HAGH: variants seen among roughly 807,000 people sequenced by gnomAD.
The protein encoded by HAGH is hydroxyacylglutathione hydrolase, mitochondrial.
Under a neutral mutation model 35.1 loss-of-function variants are expected in HAGH, and 29 were observed. The observed-to-expected ratio is 0.83, with a 90% confidence interval of 0.62 to 1.13. The LOEUF (loss-of-function observed/expected upper bound fraction) is 1.13. HAGH is among the 50% of genes most tolerant of loss of function. The probability of loss-of-function intolerance (pLI) is 0.00; values close to 1 mark genes in which losing one functional copy is unlikely to be tolerated. For synonymous variants in HAGH, 225 were observed against 176.1 expected (o/e 1.28, Z -2.20); for missense variants, 478 against 419.6 (o/e 1.14, Z -1.22).
chr16:1,812,198 CAA>C (rs763735556), intron 7 of HAGH, among the ~76,000 whole-genome samples: 8 of 110,652 alleles, frequency 7.2e-5, no homozygotes, highest in Non-Finnish European at 7.0e-5. Flanking sequence ...TCTCCCCAAC[CAA>C]AAAAAAAAAA....
rs4027423 is a variant in HAGH, at chr16:1,814,930, TAC to T, written c.747+1961_747+1962del. Among the ~76,000 whole-genome samples the T allele has an allele frequency of 2.6e-3, 359 of 140,724 alleles. 3 individuals are homozygous for T. The highest frequency in any genetic ancestry group is 7.6e-3 in the African/African-American group (283 of 37,230). The allele number at this position is 140,724 out of a possible 152,430, so 92.3% of individuals were successfully genotyped here. ...AAACAAATAAATATATATATGTATA[TAC>T]ACACACACACACACACACACACACA... On this transcript the variant is annotated intron_variant, in intron 7 of 8. Coordinates refer to ENST00000397356, the MANE Select transcript of HAGH (RefSeq NM_005326.6).
At position 1,814,820 on chromosome 16, in the gene HAGH, C is replaced by T. The variant is rs192829916; in HGVS notation, c.747+2073G>A. 1.8e-3 allele frequency among the ~76,000 whole-genome samples: 277 copies of T among 152,068 alleles called. 2 individuals carry two copies. Among genetic ancestry groups the T allele is most frequent in the African/African-American group, 6.3e-3 (263 of 41,468 alleles). On this transcript the variant is annotated intron_variant, in intron 7 of 8. Coordinates refer to ENST00000397356, the MANE Select transcript of HAGH (RefSeq NM_005326.6). ...GGCTGAGGCAGGAGAATGGCTTGAA[C>T]CCGGGAGGCAGAGCTTGCAGTGAGA... is the stretch of plus-strand genomic sequence containing the variant.
chr16:1,818,312 G>C (rs57120036), intron 5 of HAGH, among the ~76,000 whole-genome samples: 26 of 152,036 alleles, frequency 1.7e-4, no homozygotes, highest in Admixed American at 3.3e-4. Context: ...CCAGCCCTGC[G>C]CACTGCAGCC....
At chr16:1,827,160 A>T, upstream of HAGH, 2 of 1,529,192 alleles carry the variant, frequency 1.3e-6, no homozygotes, top group Non-Finnish European at 1.8e-6. Context: ...GTTCCGAGGC[A>T]GTTGGTCCTC....
At chr16:1,815,735 C>T (rs1420146002) in intron 7 of HAGH, among the ~76,000 whole-genome samples, 4 of 152,070 alleles carry the variant, frequency 2.6e-5, no homozygotes, top group Non-Finnish European at 5.9e-5. Flanking sequence ...GACAGACACA[C>T]GGGCCAGGTG....
At chr16:1,827,098 C>T, upstream of HAGH, 2 of 1,295,526 alleles carry the variant, frequency 1.5e-6, no homozygotes, top group East Asian at 2.5e-5. Flanking sequence ...CCACGCCGCC[C>T]GGGTACCCGG....
At chr16:1,827,047 T>C (rs1898474729), upstream of HAGH, 1 of 834,190 alleles carries the variant, frequency 1.2e-6, no homozygotes, top group Non-Finnish European at 1.8e-6. Flanking sequence ...AGCCTCCGCC[T>C]CTTTTTTGGC....
chr16:1,822,634 C>A (rs1230237053), intron 2 of HAGH, among the ~76,000 whole-genome samples: 2 of 152,198 alleles, frequency 1.3e-5, no homozygotes, highest in Non-Finnish European at 2.9e-5. Flanking sequence ...CATGCAGGGG[C>A]AGAAAGCCCC....
chr16:1,809,997 C>G, intron 7 of HAGH, 164 bp from the exon 8 acceptor site: 1 of 609,736 alleles, frequency 1.6e-6, no homozygotes, highest in Non-Finnish European at 2.9e-6. Context: ...GACCCTGTGT[C>G]TACTAAAAAT....
intron 4 of HAGH, 79 bp downstream of exon 4, chr16:1,819,818 A>G (rs1898064612): frequency 5.8e-6 from 5 of 866,208 alleles, no homozygotes; most frequent in Admixed American, 3.5e-5. Context: ...AAGGGAGCAG[A>G]GAGAATGCGG....
At chr16:1,819,009 A>C in intron 5 of HAGH, 106 bp downstream of exon 5, 1 of 697,644 alleles carries the variant, frequency 1.4e-6, no homozygotes. Context: ...GCCCCCTCAC[A>C]CCGGTGCAAC....
intron 1 of HAGH, among the ~76,000 whole-genome samples, chr16:1,824,965 C>T (rs1000235137): frequency 1.3e-5 from 2 of 152,160 alleles, no homozygotes; most frequent in Non-Finnish European, 2.9e-5. Flanking sequence ...GACAGGATTC[C>T]GAGTGCCGGG....
intron 1 of HAGH, among the ~76,000 whole-genome samples, chr16:1,824,114 C>T (rs1008475576): frequency 2.0e-5 from 3 of 151,848 alleles, no homozygotes; most frequent in Non-Finnish European, 2.9e-5. Context: ...CAATACTTGA[C>T]GGCAGGCTGA....
rs761646277 is a variant in HAGH, at chr16:1,809,334, G to A, written c.876C>T (p.Thr292=). The change falls in exon 9 of 9, where the codon ACC becomes ACT. Residue 292 remains threonine (T), a synonymous_variant. Transcript: ENST00000397356. ...QHAGETDPVT[T]MRAVRREKDQ... ...CCTTCTCCCTGCGCACGGCCCGCAT[G>A]GTGGTCACCGGGTCCGTCTCACCTG... 3 of 1,613,558 alleles carry A rather than the reference G, an allele frequency of 1.9e-6. No individual in the cohort carries two copies.
At position 1,817,345 on chromosome 16, in the gene HAGH, A is replaced by G. The variant is rs529027493; in HGVS notation, c.542-74T>C. The G allele has an allele frequency of 1.4e-4, 134 of 939,726 alleles. No homozygotes were observed. The African/African-American group carries it at 1.8e-3, about 13-fold the overall frequency. 58.2% of individuals were successfully genotyped at this position (939,726 alleles called of 1,614,324 possible). A position where few individuals can be genotyped will look rare whatever the true frequency, so the allele number is the denominator to read the frequency against. ...TAGGACTCAGGAGGGGGCCAGGAGC[A>G]GGGTGACACTCACCGGCAAGGCCCA... On this transcript the variant is annotated intron_variant, in intron 5 of 8. Transcript: ENST00000397356.
chr16:1,822,809 T>C (rs1898211585), intron 2 of HAGH, 56 bp downstream of exon 2: 2 of 1,470,896 alleles, frequency 1.4e-6, no homozygotes, highest in South Asian at 2.3e-5. Flanking sequence ...CCATCGGGGG[T>C]GAGGACTCCG....
intron 6 of HAGH, 87 bp from the exon 7 acceptor site, chr16:1,817,081 T>G: frequency 7.6e-7 from 1 of 1,317,738 alleles, no homozygotes; most frequent in Non-Finnish European, 1.1e-6. Context: ...CCCCGGGGGG[T>G]GTCCGGTGAG....
chr16:1,818,213 G>A (rs1897992718), intron 5 of HAGH, among the ~76,000 whole-genome samples: 1 of 152,092 alleles, frequency 6.6e-6, no homozygotes, highest in Non-Finnish European at 1.5e-5. Context: ...TGAGACCCAG[G>A]GACTCCGTGC....
chr16:1,815,594 T>C (rs1317369602), intron 7 of HAGH, among the ~76,000 whole-genome samples: 2 of 152,180 alleles, frequency 1.3e-5, no homozygotes, highest in African/African-American at 4.8e-5. Context: ...GAGCAACAGC[T>C]GGCGGGGACG....
Sources: allele counts gnomAD v4.1 joint callset (sites outside exome capture counted in the v4.1 genomes callset), GRCh38; gene constraint gnomAD v4.1.1; transcripts MANE v1.5; gene names NCBI Gene and HGNC (gene_info 2026-07-23, HGNC 2026-07-21).